The following SH3TC2 variants were observed in gnomAD, a reference collection of about 807,000 sequenced individuals.
SH3TC2 encodes the protein SH3 domain and tetratricopeptide repeats 2.
Under a neutral mutation model 124.5 loss-of-function variants are expected in SH3TC2, and 87 were observed. The ratio of observed to expected loss-of-function variants is 0.70; its 90% CI spans 0.59 to 0.84. The LOEUF (loss-of-function observed/expected upper bound fraction) is 0.84. SH3TC2 is among the 40% of genes least tolerant of loss of function. SH3TC2 has a pLI of 0.00. For synonymous variants in SH3TC2, 634 were observed against 628.5 expected (o/e 1.01, Z -0.13); for missense variants, 1,536 against 1,566.4 (o/e 0.98, Z 0.33).
Position 148,998,278 on chromosome 5 carries a change from C to T in SH3TC2, c.*6433G>A, listed in dbSNP as rs1753543299. On this transcript the variant is annotated 3_prime_UTR_variant, in exon 17 of 17. Transcript: ENST00000515425. The stretch of plus-strand genomic sequence containing the variant: ...ATAACAACAAAAAAGGATTTGACAG[C>T]CACTACCCTAGTCTGATTCAGAACT... Among the ~76,000 whole-genome samples, 1 of 152,188 alleles carries T rather than the reference C, an allele frequency of 6.6e-6. No homozygotes were observed. The highest frequency in any genetic ancestry group is 1.5e-5 in the Non-Finnish European group (1 of 68,042).
intron 12 of SH3TC2, among the ~76,000 whole-genome samples, chr5:149,016,697 G>A (rs1005396336): frequency 2.6e-5 from 4 of 152,092 alleles, no homozygotes; most frequent in Non-Finnish European, 4.4e-5. Context: ...AGGCCGAGGC[G>A]GGCGGATCAC....
At chr5:149,011,031 G>C (rs1322560326) in intron 13 of SH3TC2, among the ~76,000 whole-genome samples, 1 of 152,114 alleles carries the variant, frequency 6.6e-6, no homozygotes, top group East Asian at 1.9e-4. Context: ...TCTCTAGCAA[G>C]CTATTTTGGA....
At chr5:149,048,088 C>A (rs1754497759) in intron 2 of SH3TC2, 99 bp from the exon 3 acceptor site, 9 of 1,518,404 alleles carry the variant, frequency 5.9e-6, no homozygotes, top group Admixed American at 1.7e-5. Context: ...TATACCTGAA[C>A]CCTCAACTGG....
intron 1 of SH3TC2, among the ~76,000 whole-genome samples, chr5:149,055,224 G>C (rs1388912425): frequency 1.3e-5 from 2 of 152,166 alleles, no homozygotes; most frequent in Middle Eastern, 3.4e-3. Flanking sequence ...GCAATTAAGA[G>C]ACTGAAAAGC....
intron 2 of SH3TC2, among the ~76,000 whole-genome samples, chr5:149,049,578 GC>G (rs1446004843): frequency 6.6e-6 from 1 of 152,038 alleles, no homozygotes; most frequent in African/African-American, 2.4e-5. Flanking sequence ...ACCAGCCTGG[GC>G]AACATGCCAA....
rs1753383726 is a variant in SH3TC2 at position 148,989,162 on chromosome 5, T to A, written c.*15549A>T. 6.6e-6 allele frequency among the ~76,000 whole-genome samples: 1 copy of A among 152,218 alleles called. No individual in the cohort carries two copies. The highest frequency in any genetic ancestry group is 1.5e-5 in the Non-Finnish European group (1 of 68,042). Reference sequence around the variant, plus strand: ...GGAGTCATTGAATTCCCTTTTTGAGTCTTTTTTCCAAGATTACAGGCTCAA... The same window carrying A: ...GGAGTCATTGAATTCCCTTTTTGAGACTTTTTTCCAAGATTACAGGCTCAA... On this transcript the variant is annotated 3_prime_UTR_variant, in exon 17 of 17. Coordinates refer to ENST00000515425, the MANE Select transcript of SH3TC2 (RefSeq NM_024577.4).
intron 12 of SH3TC2, among the ~76,000 whole-genome samples, chr5:149,022,405 G>T (rs929554024): frequency 4.6e-5 from 7 of 152,222 alleles, no homozygotes; most frequent in Non-Finnish European, 1.0e-4. Flanking sequence ...TGGTGGTGAA[G>T]ATGGGAGACA....
In SH3TC2 at chr5:148,997,133, A is replaced by AGGCT. The variant is rs1753521895; in HGVS notation, c.*7574_*7577dup. 6.6e-6 allele frequency among the ~76,000 whole-genome samples: 1 copy of AGGCT among 152,210 alleles called. No homozygotes were observed. Among genetic ancestry groups the AGGCT allele is most frequent in the Non-Finnish European group, 1.5e-5 (1 of 68,032 alleles). On this transcript the variant is annotated 3_prime_UTR_variant, in exon 17 of 17. Transcript: ENST00000515425. ...TAGCTTTTTCCATGATGTCAAAAGT[A>AGGCT]GGCTATTCTCTCATGTTCATGATCT...
Position 149,031,679 on chromosome 5 carries a change from TTCCTGC to T in SH3TC2, c.1004_1009del (p.Ser335_Arg336del). On this transcript the variant is annotated inframe_deletion and splice_region_variant, in exon 9 of 17. Transcript: ENST00000515425. ...CTCCTCATCACTGAGAAAGGCAGAG[TTCCTGC>T]TCCTGCATCGGGGCAAAAAACACAG... is the stretch of plus-strand genomic sequence containing the variant. 6.2e-7 allele frequency: 1 copy of T among 1,613,960 alleles called. No individual in the cohort carries two copies. The highest frequency in any genetic ancestry group is 8.5e-7 in the Non-Finnish European group (1 of 1,179,994).
Position 149,004,405 on chromosome 5 carries a change from C to A in SH3TC2, c.*306G>T. The A allele has an allele frequency of 2.7e-6, 1 of 364,892 alleles. No individual in the cohort carries two copies. The highest frequency in any genetic ancestry group is 2.0e-5 in the African/African-American group (1 of 49,000). The allele number at this position is 364,892 out of a possible 1,614,324, so 22.6% of individuals were successfully genotyped here. ...AAGGAAGGCTCCTGGAGGGCAAGAT[C>A]CCTCATCTTCTCCAGAATTATGTAT... On this transcript the variant is annotated 3_prime_UTR_variant, in exon 17 of 17. Coordinates refer to ENST00000515425, the MANE Select transcript of SH3TC2 (RefSeq NM_024577.4).
rs934245847 is a variant in SH3TC2 at position 148,999,917 on chromosome 5, T to C, written c.*4794A>G. Among the ~76,000 whole-genome samples, 1 of 152,112 alleles carries C rather than the reference T, an allele frequency of 6.6e-6. No individual in the cohort carries two copies. The highest frequency in any genetic ancestry group is 2.4e-5 in the African/African-American group (1 of 41,426). The stretch of plus-strand genomic sequence containing the variant: ...GCCTCACTGCACTCAGAGTGACCTG[T>C]TCTCAGAAAACATCACCCCCTGTCC... On this transcript the variant is annotated 3_prime_UTR_variant, in exon 17 of 17. Coordinates refer to ENST00000515425, the MANE Select transcript of SH3TC2 (RefSeq NM_024577.4).
Position 148,986,939 on chromosome 5 carries a change from G to A in SH3TC2, c.*17772C>T, listed in dbSNP as rs1580875700. ...GAGGTCATATCAAGAATTCCAAGGAGAGGCAGAGTTTTCAAAGACTCCAGT... is the reference window on the plus strand; with the variant it reads ...GAGGTCATATCAAGAATTCCAAGGAAAGGCAGAGTTTTCAAAGACTCCAGT... On this transcript the variant is annotated 3_prime_UTR_variant, in exon 17 of 17. Coordinates refer to ENST00000515425, the MANE Select transcript of SH3TC2 (RefSeq NM_024577.4). 2.6e-5 allele frequency among the ~76,000 whole-genome samples: 4 copies of A among 152,226 alleles called. No homozygotes were observed. In the East Asian group the frequency reaches 7.7e-4, roughly 29 times the overall value.
rs1298247755 is a variant in SH3TC2 at position 148,989,987 on chromosome 5, TG to T, written c.*14723del. On this transcript the variant is annotated 3_prime_UTR_variant, in exon 17 of 17. Transcript: ENST00000515425. Reference sequence around the variant, plus strand: ...GTGTATGTGTGTGTGTTTGATGGGGTGGGGGCTGCTTCTTTTCTAGGAGTCA... The same window carrying T: ...GTGTATGTGTGTGTGTTTGATGGGGTGGGGCTGCTTCTTTTCTAGGAGTCA... 7.2e-5 allele frequency among the ~76,000 whole-genome samples: 11 copies of T among 151,998 alleles called. No individual in the cohort carries two copies. The highest frequency in any genetic ancestry group is 3.9e-4 in the Admixed American group (6 of 15,262).
chr5:149,012,838 C>T, intron 12 of SH3TC2, 104 bp from the exon 13 acceptor site: 4 of 1,323,514 alleles, frequency 3.0e-6, no homozygotes, highest in Non-Finnish European at 4.3e-6. Flanking sequence ...AGCCATGTCC[C>T]ACATCACACA....
In SH3TC2 at chr5:148,994,173, C is replaced by T. The variant is rs1282067019; in HGVS notation, c.*10538G>A. Among the ~76,000 whole-genome samples, 2 of 152,142 alleles carry T rather than the reference C, an allele frequency of 1.3e-5. No homozygotes were observed. The highest frequency in any genetic ancestry group is 2.1e-4 in the South Asian group (1 of 4,832). On this transcript the variant is annotated 3_prime_UTR_variant, in exon 17 of 17. Coordinates refer to ENST00000515425, the MANE Select transcript of SH3TC2 (RefSeq NM_024577.4). ...TCAAAATTTCAGCTGAGGTTTTATG[C>T]AATACTTGCAATATAGATAAGGCTT...
intron 15 of SH3TC2, chr5:149,007,767 G>C (rs1753715225): frequency 6.6e-6 from 1 of 152,638 alleles, no homozygotes; most frequent in Non-Finnish European, 1.5e-5. Context: ...TCATGTCTTT[G>C]GAATATTTGC....
chr5:149,033,420 A>G (rs898353951), intron 8 of SH3TC2, among the ~76,000 whole-genome samples: 17 of 152,224 alleles, frequency 1.1e-4, no homozygotes, highest in Admixed American at 4.6e-4. Flanking sequence ...ATTTTAGTAC[A>G]TTATTTAAAG....
In SH3TC2 at chr5:149,042,815, T is replaced by A. The variant is rs1296245841; in HGVS notation, c.408A>T (p.Glu136Asp). 6.2e-7 allele frequency: 1 copy of A among 1,614,144 alleles called. No individual in the cohort carries two copies. The highest frequency in any genetic ancestry group is 8.5e-7 in the Non-Finnish European group (1 of 1,180,022). ...AGTACTTGTGGTCAAAGAGGAGATGTTCTAGACACATGGATACGTAGCCTA... is the reference window on the plus strand; with the variant it reads ...AGTACTTGTGGTCAAAGAGGAGATGATCTAGACACATGGATACGTAGCCTA... ...LNLGYVSMCL[E>D]HLLFDHKYWL... Residue 136 changes from glutamate (E) to aspartate (D), a missense_variant, in exon 5 of 17, where the codon GAA becomes GAT. By Grantham distance (45) the Glu-to-Asp change is conservative. Coordinates refer to ENST00000515425, the MANE Select transcript of SH3TC2 (RefSeq NM_024577.4).
At chr5:149,007,466 A>G (rs1162853789) in intron 15 of SH3TC2, 1 of 445,178 alleles carries the variant, frequency 2.2e-6, no homozygotes, top group Non-Finnish European at 4.0e-6. Flanking sequence ...TTAATGGGAC[A>G]TGGTGACAAG....
Sources: allele counts gnomAD v4.1 joint callset (sites outside exome capture counted in the v4.1 genomes callset), GRCh38; gene constraint gnomAD v4.1.1; transcripts MANE v1.5; gene names NCBI Gene and HGNC (gene_info 2026-07-23, HGNC 2026-07-21).